Variants in ACBD3 observed in about 807,000 individuals in gnomAD.
ACBD3 encodes the protein Golgi resident protein GCP60.
ACBD3 carries 30 observed loss-of-function variants against 66.9 expected under a neutral mutation model. The observed-to-expected ratio is 0.45, with a 90% CI of 0.34 to 0.61. ACBD3 has a LOEUF of 0.61. Ranked by LOEUF, ACBD3 falls within the 20% of genes least tolerant of loss-of-function variation. The pLI is 0.02. For missense variants in ACBD3, 544 were observed against 664.5 expected (o/e 0.82, Z 1.99); for synonymous variants, 278 against 259.8 (o/e 1.07, Z -0.68).
At position 226,159,178 on chromosome 1, in the gene ACBD3, T is replaced by C; in HGVS notation, c.903+6A>G. On this transcript the variant is annotated splice_donor_region_variant and intron_variant, in intron 5 of 7. Transcript: ENST00000366812. ...TAAGGCTGAATTCTAGGGTTGTCTA[T>C]CGTACCTGTTGCTGTGCAAGCTGGA... 1 of 1,614,072 alleles carries C rather than the reference T, an allele frequency of 6.2e-7. No individual in the cohort carries two copies. The highest frequency in any genetic ancestry group is 8.5e-7 in the Non-Finnish European group (1 of 1,179,904).
chr1:226,164,661 C>T, intron 3 of ACBD3, 128 bp downstream of exon 3: 1 of 1,125,104 alleles, frequency 8.9e-7, no homozygotes, highest in Admixed American at 3.4e-5. Context: ...TGAACAATTG[C>T]CACAAGAAAT....
intron 1 of ACBD3, among the ~76,000 whole-genome samples, chr1:226,175,011 C>T (rs540665961): frequency 9.6e-5 from 14 of 145,452 alleles, no homozygotes; most frequent in African/African-American, 3.3e-4. Context: ...AGGAGAATCG[C>T]TTGAACCTGG....
chr1:226,160,048 A>G (rs1659742619), intron 4 of ACBD3, among the ~76,000 whole-genome samples: 1 of 152,008 alleles, frequency 6.6e-6, no homozygotes, highest in South Asian at 2.1e-4. Context: ...TGGCATGCTT[A>G]GTTTAGAGAT....
intron 1 of ACBD3, among the ~76,000 whole-genome samples, chr1:226,182,274 C>T (rs1380281036): frequency 6.6e-6 from 1 of 151,934 alleles, no homozygotes; most frequent in African/African-American, 2.4e-5. Context: ...CTTTAAAAAC[C>T]TCCAGTGGTT....
At chr1:226,150,512 G>A (rs936012917) in intron 7 of ACBD3, among the ~76,000 whole-genome samples, 3 of 152,114 alleles carry the variant, frequency 2.0e-5, no homozygotes, top group African/African-American at 7.2e-5. Context: ...CCGAGTAGCT[G>A]GGATTACAGG....
chr1:226,166,911 C>T (rs1187161982), intron 1 of ACBD3, among the ~76,000 whole-genome samples: 3 of 152,198 alleles, frequency 2.0e-5, no homozygotes, highest in Non-Finnish European at 4.4e-5. Context: ...ATCCTTCTGC[C>T]TCAGCCTCCC....
intron 5 of ACBD3, among the ~76,000 whole-genome samples, chr1:226,155,436 T>C (rs943908418): frequency 7.4e-6 from 1 of 135,398 alleles, no homozygotes; most frequent in African/African-American, 2.7e-5. Context: ...AAAAAAAAAG[T>C]AGAAATAATC....
chr1:226,164,762 A>G (rs766735526), intron 3 of ACBD3, 27 bp downstream of exon 3: 4 of 1,601,758 alleles, frequency 2.5e-6, no homozygotes, highest in South Asian at 1.1e-5. Flanking sequence ...GCGCAGCAAT[A>G]AAGTATTCCA....
chr1:226,165,274 G>A (rs942637004), intron 2 of ACBD3, among the ~76,000 whole-genome samples: 12 of 151,960 alleles, frequency 7.9e-5, no homozygotes, highest in East Asian at 3.9e-4. Context: ...AGGCTCAAGC[G>A]ATTCTCCTGC....
At chr1:226,180,172 C>CCAA (rs1656139870) in intron 1 of ACBD3, among the ~76,000 whole-genome samples, 1 of 58,218 alleles carries the variant, frequency 1.7e-5, no homozygotes, top group East Asian at 4.5e-4. Flanking sequence ...CTCTGTCTCC[C>CCAA]AAAAAAAAAA....
At chr1:226,176,896 AT>A (rs1231269774) in intron 1 of ACBD3, among the ~76,000 whole-genome samples, 4 of 152,222 alleles carry the variant, frequency 2.6e-5, no homozygotes, top group African/African-American at 9.6e-5. Context: ...AAAAAACAGT[AT>A]TTGTTAGTAG....
rs71574563 is a variant in ACBD3 at position 226,170,333 on chromosome 1, A to ATTTTTTTTTTT, written c.287-4344_287-4334dup. Among the ~76,000 whole-genome samples, 13 of 109,806 alleles carry ATTTTTTTTTTT rather than the reference A, an allele frequency of 1.2e-4. No individual in the cohort carries two copies. The East Asian group carries it at 2.8e-3, about 24-fold the overall frequency. The allele number at this position is 109,806 out of a possible 152,430, so 72.0% of individuals were successfully genotyped here. ...CCACCACGCCCAGCTAATTTTTTGAATTTTTTTTTTTTTTTTTTTTTTAGT... is the reference window on the plus strand; with the variant it reads ...CCACCACGCCCAGCTAATTTTTTGAATTTTTTTTTTTTTTTTTTTTTTTTTTTTTTTTTAGT... On this transcript the variant is annotated intron_variant, in intron 1 of 7. Coordinates refer to ENST00000366812, the MANE Select transcript of ACBD3 (RefSeq NM_022735.4).
intron 4 of ACBD3, among the ~76,000 whole-genome samples, chr1:226,159,876 T>C (rs748507449): frequency 6.6e-6 from 1 of 152,214 alleles, no homozygotes; most frequent in African/African-American, 2.4e-5. Context: ...CTGTTGGCTA[T>C]GGCTTCTGTA....
chr1:226,153,390 CAT>C (rs575732469), intron 6 of ACBD3, among the ~76,000 whole-genome samples: 4 of 152,110 alleles, frequency 2.6e-5, no homozygotes, highest in Non-Finnish European at 5.9e-5. Flanking sequence ...TCTTATGAAC[CAT>C]ACCACCATCC....
At chr1:226,181,682 A>G (rs377035787) in intron 1 of ACBD3, among the ~76,000 whole-genome samples, 1 of 152,192 alleles carries the variant, frequency 6.6e-6, no homozygotes, top group East Asian at 1.9e-4. Flanking sequence ...GTAAACATCT[A>G]CTCAATAACT....
At position 226,173,376 on chromosome 1, in the gene ACBD3, C is replaced by T. The variant is rs574002882; in HGVS notation, c.287-7376G>A. Among the ~76,000 whole-genome samples the T allele has an allele frequency of 1.2e-4, 19 of 152,266 alleles. No individual in the cohort carries two copies. The East Asian group carries it at 3.1e-3, about 25-fold the overall frequency. On this transcript the variant is annotated intron_variant, in intron 1 of 7. Transcript: ENST00000366812. The stretch of plus-strand genomic sequence containing the variant: ...TTCATTTTTTATTTCCCCAAATTTT[C>T]AGTAAGCATATGTACTTTGTAATCA...
At chr1:226,174,693 G>C (rs184919520) in intron 1 of ACBD3, among the ~76,000 whole-genome samples, 155 of 152,286 alleles carry the variant, frequency 1.0e-3, no homozygotes, top group African/African-American at 3.2e-3. Context: ...CTGAACCCGG[G>C]AGGCAGACGT....
At chr1:226,153,390 C>T (rs530516415) in intron 6 of ACBD3, among the ~76,000 whole-genome samples, 2 of 152,228 alleles carry the variant, frequency 1.3e-5, no homozygotes, top group South Asian at 4.2e-4. Context: ...TCTTATGAAC[C>T]ATACCACCAT....
intron 1 of ACBD3, among the ~76,000 whole-genome samples, chr1:226,184,238 C>A (rs9660924): frequency 1.3e-5 from 2 of 151,980 alleles, no homozygotes; most frequent in African/African-American, 4.8e-5. Flanking sequence ...GCTCACTCCA[C>A]ATTCCATAAT....
Sources: allele counts gnomAD v4.1 joint callset (sites outside exome capture counted in the v4.1 genomes callset), GRCh38; gene constraint gnomAD v4.1.1; transcripts MANE v1.5; gene names NCBI Gene and HGNC (gene_info 2026-07-23, HGNC 2026-07-21).